PRKCA: variants seen among roughly 807,000 people sequenced by gnomAD.
PRKCA encodes the protein protein kinase C alpha type.
PRKCA carries 27 observed loss-of-function variants against 87.0 expected under a neutral mutation model. The ratio of observed to expected loss-of-function variants is 0.31; its 90% CI spans 0.23 to 0.43. The LOEUF (loss-of-function observed/expected upper bound fraction) is 0.43. Ranked by LOEUF, PRKCA falls within the 20% of genes least tolerant of loss-of-function variation. PRKCA has a pLI of 1.00. For synonymous variants in PRKCA, 329 were observed against 311.1 expected (o/e 1.06, Z -0.61); for missense variants, 518 against 852.3 (o/e 0.61, Z 4.88).
rs56889057 is a variant in PRKCA, at chr17:66,314,875, A to ATGTGTG, written c.205+8770_205+8775dup. Among the ~76,000 whole-genome samples, 344 of 148,648 alleles carry ATGTGTG rather than the reference A, an allele frequency of 2.3e-3. 1 individual carries two copies. The highest frequency in any genetic ancestry group is 7.8e-3 in the South Asian group (36 of 4,606). ...TCTCTCTCTCTCTAGATATATATAT[A>ATGTGTG]TGTGTGTGTGTGTGTGTGTGTGTGT... On this transcript the variant is annotated intron_variant, in intron 2 of 16. Coordinates refer to ENST00000413366, the MANE Select transcript of PRKCA (RefSeq NM_002737.3).
chr17:66,372,999 CAGTG>C (rs1048005957), intron 2 of PRKCA, among the ~76,000 whole-genome samples: 10 of 152,020 alleles, frequency 6.6e-5, no homozygotes, highest in Admixed American at 1.3e-4. Context: ...GTGGAGGTTG[CAGTG>C]AGTCAAGATT....
chr17:66,490,345 C>CTTT (rs566074276), intron 2 of PRKCA, among the ~76,000 whole-genome samples: 1 of 140,310 alleles, frequency 7.1e-6, no homozygotes, highest in Non-Finnish European at 1.6e-5. Context: ...TTCCAGAACT[C>CTTT]TTTTTTTTTT....
At chr17:66,687,085 A>G in intron 5 of PRKCA, 26 bp from the exon 6 acceptor site, 1 of 1,584,506 alleles carries the variant, frequency 6.3e-7, no homozygotes, top group South Asian at 1.1e-5. Flanking sequence ...TCTTTTTGTA[A>G]TATTTTCTTC....
chr17:66,709,620 G>T (rs989826994), intron 8 of PRKCA, among the ~76,000 whole-genome samples: 2 of 151,580 alleles, frequency 1.3e-5, no homozygotes, highest in Non-Finnish European at 2.9e-5. Context: ...CTTCTGAGAT[G>T]ATTTTAACTT....
rs1975014461 is a variant in PRKCA, at chr17:66,774,968, C to G, written c.1605+901C>G. ...GCCTTATTGCCTAACATGGCACTTT[C>G]TAATATAATGGCCTTAATATCTGTG... On this transcript the variant is annotated intron_variant, in intron 14 of 16. Transcript: ENST00000413366. 6 of 985,256 alleles carry G rather than the reference C, an allele frequency of 6.1e-6. 1 individual carries two copies. In the South Asian group the frequency reaches 2.8e-4, roughly 46 times the overall value. The allele number at this position is 985,256 out of a possible 1,614,324, so 61.0% of individuals were successfully genotyped here. A position where few individuals can be genotyped will look rare whatever the true frequency, so the allele number is the denominator to read the frequency against.
intron 14 of PRKCA, 73 bp from the exon 15 acceptor site, chr17:66,786,794 T>C (rs1975406858): frequency 8.2e-7 from 1 of 1,215,208 alleles, no homozygotes; most frequent in East Asian, 2.4e-5. Flanking sequence ...GGTGCTGAAT[T>C]GGCTCTTCAG....
At chr17:66,548,230 A>G (rs770440049) in intron 3 of PRKCA, among the ~76,000 whole-genome samples, 1 of 152,160 alleles carries the variant, frequency 6.6e-6, no homozygotes, top group African/African-American at 2.4e-5. Flanking sequence ...ATAAAGACCA[A>G]AAAATTTACT....
intron 3 of PRKCA, among the ~76,000 whole-genome samples, chr17:66,528,199 C>G (rs1183311066): frequency 1.8e-5 from 2 of 113,782 alleles, no homozygotes; most frequent in Admixed American, 1.2e-4. Flanking sequence ...GCCTGGGTGA[C>G]AGAGCAAACG....
chr17:66,399,477 C>T (rs1910891772), intron 2 of PRKCA, among the ~76,000 whole-genome samples: 2 of 152,154 alleles, frequency 1.3e-5, no homozygotes, highest in South Asian at 4.1e-4. Context: ...AGACGCCTAA[C>T]ATAAAAATTA....
chr17:66,641,717 CTT>C (rs534954912), intron 4 of PRKCA, among the ~76,000 whole-genome samples: 132 of 141,830 alleles, frequency 9.3e-4, no homozygotes, highest in Admixed American at 9.2e-4. Context: ...GGTGCTGTCA[CTT>C]TTTTTTTTTT....
chr17:66,733,102 G>A (rs566879329), intron 9 of PRKCA, among the ~76,000 whole-genome samples: 8 of 141,644 alleles, frequency 5.6e-5, no homozygotes, highest in African/African-American at 2.1e-4. Context: ...AGTGAGCCGA[G>A]ATCGCACCAC....
rs768984431 is a variant in PRKCA at position 66,688,450 on chromosome 17, T to G, written c.821+14T>G. 13 of 1,613,932 alleles carry G rather than the reference T, an allele frequency of 8.1e-6. No individual in the cohort carries two copies. The East Asian group carries it at 2.9e-4, about 36-fold the overall frequency. ...GGCCAGTGGATGGTATGGAAGCCGCTTAGGTTGAGTATGTCTCAAAGCATC... is the reference window on the plus strand; with the variant it reads ...GGCCAGTGGATGGTATGGAAGCCGCGTAGGTTGAGTATGTCTCAAAGCATC... On this transcript the variant is annotated intron_variant, in intron 7 of 16. Transcript: ENST00000413366.
rs1351216623 is a variant in PRKCA, at chr17:66,689,109, C to T, written c.918+62C>T. The T allele has an allele frequency of 6.6e-6, 7 of 1,066,852 alleles. No homozygotes were observed. The highest frequency in any genetic ancestry group is 2.6e-5 in the East Asian group (1 of 38,244). 66.1% of individuals were successfully genotyped at this position (1,066,852 alleles called of 1,614,324 possible). A position where few individuals can be genotyped will look rare whatever the true frequency, so the allele number is the denominator to read the frequency against. On this transcript the variant is annotated intron_variant, in intron 8 of 16. Transcript: ENST00000413366. This position sits in a 1 kb window ranked among gnomAD's most constrained non-coding sequence, Gnocchi z 4.1. Reference sequence around the variant, plus strand: ...TAGAAAGCCCAACTTCAGGAACGGCCGAGATGTTGTGGTCACATTTTTGAA... The same window carrying T: ...TAGAAAGCCCAACTTCAGGAACGGCTGAGATGTTGTGGTCACATTTTTGAA...
At chr17:66,666,332 G>A (rs1157059466) in intron 5 of PRKCA, among the ~76,000 whole-genome samples, 1 of 152,222 alleles carries the variant, frequency 6.6e-6, no homozygotes, top group Non-Finnish European at 1.5e-5. Context: ...GGCGGCTGCT[G>A]TGCTGCTGGG....
chr17:66,632,803 A>G (rs1191586179), intron 3 of PRKCA, among the ~76,000 whole-genome samples: 3 of 152,200 alleles, frequency 2.0e-5, no homozygotes, highest in East Asian at 3.8e-4. Context: ...ATTACAGTTT[A>G]TTTAGCCATT....
rs940620759 is a variant in PRKCA at position 66,804,913 on chromosome 17, A to ACC, written c.*880_*881dup. On this transcript the variant is annotated 3_prime_UTR_variant, in exon 17 of 17. Coordinates refer to ENST00000413366, the MANE Select transcript of PRKCA (RefSeq NM_002737.3). ...TCACCAGTGTTGTTCACCAACACCC[A>ACC]CCCCCACACACACCAACATTTTGCT... The ACC allele has an allele frequency of 1.2e-6, 1 of 843,678 alleles. No individual in the cohort carries two copies. The highest frequency in any genetic ancestry group is 1.9e-5 in the African/African-American group (1 of 51,528). The allele number at this position is 843,678 out of a possible 1,614,324, so 52.3% of individuals were successfully genotyped here. A position where few individuals can be genotyped will look rare whatever the true frequency, so the allele number is the denominator to read the frequency against.
chr17:66,322,762 C>T (rs1437210947), intron 2 of PRKCA, among the ~76,000 whole-genome samples: 3 of 151,968 alleles, frequency 2.0e-5, no homozygotes, highest in Admixed American at 1.3e-4. Context: ...TGAGCCACTG[C>T]ACCTGGCTAG....
intron 2 of PRKCA, among the ~76,000 whole-genome samples, chr17:66,492,072 C>G (rs911970147): frequency 6.6e-6 from 1 of 152,168 alleles, no homozygotes; most frequent in Non-Finnish European, 1.5e-5. Flanking sequence ...TTCTGAATTT[C>G]GAATCTTCAA....
intron 11 of PRKCA, 28 bp from the exon 12 acceptor site, chr17:66,741,631 G>A: frequency 6.2e-7 from 1 of 1,613,290 alleles, no homozygotes; most frequent in Non-Finnish European, 8.5e-7. Flanking sequence ...AAGCAAGTGA[G>A]AAACCTGAAG....
Sources: gnomAD v4.1 joint callset for allele counts (sites outside exome capture counted in the v4.1 genomes callset) on GRCh38, gnomAD v4.1.1 for gene constraint, Gnocchi (gnomAD v3.1) non-coding constraint, MANE v1.5 for transcripts, NCBI Gene and HGNC (gene_info 2026-07-23, HGNC 2026-07-21) for gene names.